Variants in RAPGEF2 observed in about 807,000 individuals in gnomAD.
The protein encoded by RAPGEF2 is Rap guanine nucleotide exchange factor 2, also known as PDZ domain containing guanine nucleotide exchange factor (GEF) 1.
In RAPGEF2, 54 loss-of-function variants were observed where a neutral mutation model predicts 186.7. That is an observed-to-expected ratio of 0.29 (90% CI 0.23 to 0.36). RAPGEF2 has a LOEUF of 0.36. Ranked by LOEUF, RAPGEF2 falls within the 10% of genes least tolerant of loss-of-function variation. RAPGEF2 has a pLI of 1.00. For synonymous variants in RAPGEF2, 712 were observed against 705.9 expected, an observed-to-expected ratio of 1.01 and a Z score of -0.14; for missense variants, 1,532 against 2,045.0, an observed-to-expected ratio of 0.75 and a Z score of 4.84.
chr4:159,122,023 A>C lies in RAPGEF2; in HGVS notation c.69+17792A>C, dbSNP rs184178850. Among the ~76,000 whole-genome samples the C allele has an allele frequency of 4.6e-3, 615 of 133,144 alleles. 6 individuals are homozygous for C. Among genetic ancestry groups the C allele is most frequent in the African/African-American group, 0.017 (584 of 34,556 alleles). 87.3% of individuals were successfully genotyped at this position (133,144 alleles called of 152,430 possible). A position where few individuals can be genotyped will look rare whatever the true frequency, so the allele number is the denominator to read the frequency against. Reference sequence around the variant, plus strand: ...CACTGCACTCCAGCCTGGGAGACAGAGCAAGACTCCATCTCAAAAAAAAAA... The same window carrying C: ...CACTGCACTCCAGCCTGGGAGACAGCGCAAGACTCCATCTCAAAAAAAAAA... On this transcript the variant is annotated intron_variant, in intron 1 of 29. Coordinates refer to ENST00000691494, the MANE Select transcript of RAPGEF2 (RefSeq NM_001394067.2).
intron 17 of RAPGEF2, 63 bp downstream of exon 17, chr4:159,332,760 G>A: frequency 1.3e-6 from 2 of 1,548,778 alleles, no homozygotes; most frequent in East Asian, 2.3e-5. Flanking sequence ...TGCAAAGATA[G>A]TGATGTAATT....
chr4:159,129,966 G>A (rs1740834251), intron 1 of RAPGEF2, among the ~76,000 whole-genome samples: 1 of 152,126 alleles, frequency 6.6e-6, no homozygotes, highest in Admixed American at 6.5e-5. Flanking sequence ...CTAAACAAGG[G>A]GTGAATTATT....
At chr4:159,240,257 C>G (rs1306518107) in intron 5 of RAPGEF2, among the ~76,000 whole-genome samples, 4 of 151,202 alleles carry the variant, frequency 2.6e-5, no homozygotes, top group Non-Finnish European at 5.9e-5. Context: ...CCTAGACATG[C>G]CTCCATTATG....
At chr4:159,180,169 C>A (rs761910841) in intron 1 of RAPGEF2, among the ~76,000 whole-genome samples, 1 of 152,124 alleles carries the variant, frequency 6.6e-6, no homozygotes, top group Non-Finnish European at 1.5e-5. Context: ...GTTGTTTATG[C>A]GATCTGTGGT....
At chr4:159,307,617 C>A (rs955634640) in intron 8 of RAPGEF2, among the ~76,000 whole-genome samples, 1 of 152,178 alleles carries the variant, frequency 6.6e-6, no homozygotes, top group Admixed American at 6.5e-5. Context: ...TATCACTGTT[C>A]TCATCAAATA....
chr4:159,200,745 G>T (rs1298277984), intron 3 of RAPGEF2, among the ~76,000 whole-genome samples: 1 of 151,628 alleles, frequency 6.6e-6, no homozygotes, highest in African/African-American at 2.4e-5. Context: ...GATTTTTTTT[G>T]AAAATCTTAA....
At chr4:159,143,295 T>A (rs538910532) in intron 1 of RAPGEF2, among the ~76,000 whole-genome samples, 1 of 152,252 alleles carries the variant, frequency 6.6e-6, no homozygotes, top group South Asian at 2.1e-4. Flanking sequence ...AAAAAAACTT[T>A]GTTTTTTTCT....
Position 159,241,199 on chromosome 4 carries a change from A to G in RAPGEF2, c.358-2A>G. The G allele has an allele frequency of 6.7e-7, 1 of 1,497,198 alleles. No homozygotes were observed. The highest frequency in any genetic ancestry group is 2.5e-5 in the East Asian group (1 of 40,280). The allele number at this position is 1,497,198 out of a possible 1,614,324, so 92.7% of individuals were successfully genotyped here. A position where few individuals can be genotyped will look rare whatever the true frequency, so the allele number is the denominator to read the frequency against. Reference sequence around the variant, plus strand: ...ATGAAATTTTGGGGGGTTTTATTTCAGGTGGACTATATGGATGAAAATGAA... The same window carrying G: ...ATGAAATTTTGGGGGGTTTTATTTCGGGTGGACTATATGGATGAAAATGAA... On this transcript the variant is annotated splice_acceptor_variant, in intron 5 of 29. Coordinates refer to ENST00000691494, the MANE Select transcript of RAPGEF2 (RefSeq NM_001394067.2). LOFTEE classifies it high-confidence loss of function.
At chr4:159,114,690 T>C (rs1264470159) in intron 1 of RAPGEF2, among the ~76,000 whole-genome samples, 10 of 152,232 alleles carry the variant, frequency 6.6e-5, no homozygotes, top group Admixed American at 6.5e-4. Flanking sequence ...AATAGAATAT[T>C]CCATGTATGT....
intron 7 of RAPGEF2, among the ~76,000 whole-genome samples, chr4:159,260,481 G>A (rs565646542): frequency 6.6e-6 from 1 of 152,102 alleles, no homozygotes; most frequent in South Asian, 2.1e-4. Context: ...CCCGCCAGCT[G>A]ATGTTTGGTA....
At position 159,352,760 on chromosome 4, in the gene RAPGEF2, G is replaced by C; in HGVS notation, c.3941G>C (p.Ser1314Thr). The C allele has an allele frequency of 6.2e-7, 1 of 1,614,226 alleles. No individual in the cohort carries two copies. Among genetic ancestry groups the C allele is most frequent in the Non-Finnish European group, 8.5e-7 (1 of 1,180,042 alleles). The change falls in exon 27 of 30, where the codon AGT (serine) becomes ACT (threonine). Residue 1314 changes from serine to threonine, a missense_variant. By Grantham distance (58) the Ser-to-Thr change is moderately conservative. Around this residue, in one of 4 missense-constraint regions of RAPGEF2, gnomAD observed 594 missense variants for 608.5 expected, o/e 0.98. Transcript: ENST00000691494. ...CACAGTGAAATTTCTTCACGATCCA[G>C]TATTGTTAGCAATTCGTCTTTTGAC... Reference protein sequence around the residue: ...SGHSEISSRSSIVSNSSFDSV... With the variant: ...SGHSEISSRSTIVSNSSFDSV...
intron 8 of RAPGEF2, among the ~76,000 whole-genome samples, chr4:159,309,143 G>T (rs1242220232): frequency 6.6e-6 from 1 of 152,162 alleles, no homozygotes; most frequent in East Asian, 1.9e-4. Flanking sequence ...TCTAACTGCA[G>T]ATCATAGCTT....
chr4:159,358,312 A>C lies in RAPGEF2; in HGVS notation c.*173A>C. On this transcript the variant is annotated 3_prime_UTR_variant, in exon 30 of 30. Transcript: ENST00000691494. Reference sequence around the variant, plus strand: ...CTCCCCTTCTTCCTTTCCCCTTTGCATGTGAAATACTGTGAAGAAATTGCC... The same window carrying C: ...CTCCCCTTCTTCCTTTCCCCTTTGCCTGTGAAATACTGTGAAGAAATTGCC... 1.6e-6 allele frequency: 1 copy of C among 610,638 alleles called. No individual in the cohort carries two copies. Among genetic ancestry groups the C allele is most frequent in the Non-Finnish European group, 2.9e-6 (1 of 350,618 alleles). 37.8% of individuals were successfully genotyped at this position (610,638 alleles called of 1,614,324 possible).
chr4:159,295,853 A>G (rs1375939367), intron 7 of RAPGEF2, among the ~76,000 whole-genome samples: 1 of 152,116 alleles, frequency 6.6e-6, no homozygotes, highest in African/African-American at 2.4e-5. Context: ...ACCAAAATCA[A>G]CTATCAGAAA....
intron 4 of RAPGEF2, among the ~76,000 whole-genome samples, chr4:159,216,750 A>G (rs1481121315): frequency 6.6e-6 from 1 of 152,180 alleles, no homozygotes; most frequent in Non-Finnish European, 1.5e-5. Context: ...CATATCATGT[A>G]TTTGCACCAC....
At chr4:159,254,261 GATAT>G (rs895064013) in intron 7 of RAPGEF2, among the ~76,000 whole-genome samples, 26 of 152,164 alleles carry the variant, frequency 1.7e-4, no homozygotes, top group Non-Finnish European at 3.2e-4. Flanking sequence ...CCAGTGTCTT[GATAT>G]ATCCTAAGAC....
At chr4:159,175,967 G>T (rs1179758749) in intron 1 of RAPGEF2, among the ~76,000 whole-genome samples, 3 of 152,156 alleles carry the variant, frequency 2.0e-5, no homozygotes, top group Non-Finnish European at 4.4e-5. Flanking sequence ...TTTGTTCAAG[G>T]TGCTTCTCTG....
At chr4:159,340,621 A>C (rs562613891) in intron 19 of RAPGEF2, among the ~76,000 whole-genome samples, 24 of 151,272 alleles carry the variant, frequency 1.6e-4, no homozygotes, top group African/African-American at 5.6e-4. Flanking sequence ...CAGAGAAAGC[A>C]TGTGTCTAAA....
intron 8 of RAPGEF2, among the ~76,000 whole-genome samples, chr4:159,305,304 AT>A (rs1319423906): frequency 4.6e-5 from 7 of 152,114 alleles, no homozygotes; most frequent in African/African-American, 1.7e-4. Context: ...CACCAGCTGC[AT>A]ATAAGTGTTC....
Sources: gnomAD v4.1 joint callset for allele counts (sites outside exome capture counted in the v4.1 genomes callset) on GRCh38, gnomAD v4.1.1 for gene constraint, gnomAD v4.1.1 regional missense constraint, MANE v1.5 for transcripts, NCBI Gene and HGNC (gene_info 2026-07-23, HGNC 2026-07-21) for gene names.